Variants in CD38 observed in about 807,000 individuals in gnomAD.
CD38 encodes the protein ADP-ribosyl cyclase/cyclic ADP-ribose hydrolase 1.
Under a neutral mutation model 36.3 loss-of-function variants are expected in CD38, and 31 were observed. The observed-to-expected ratio is 0.85, with a 90% confidence interval of 0.64 to 1.15. The LOEUF is 1.15. Ranked by LOEUF, CD38 falls within the 50% of genes most tolerant of loss-of-function variation. CD38 has a pLI of 0.00. For missense variants in CD38, 380 were observed against 371.9 expected, an observed-to-expected ratio of 1.02 and a Z score of -0.18; for synonymous variants, 131 against 135.2, an observed-to-expected ratio of 0.97 and a Z score of 0.22.
intron 1 of CD38, among the ~76,000 whole-genome samples, chr4:15,812,240 A>C (rs1342174075): frequency 6.6e-6 from 1 of 152,094 alleles, no homozygotes; most frequent in East Asian, 1.9e-4. Flanking sequence ...GTGTCTTTCA[A>C]CTTTGGTCTT....
chr4:15,791,985 CG>C (rs1723008328), intron 1 of CD38, among the ~76,000 whole-genome samples: 1 of 69,200 alleles, frequency 1.4e-5, no homozygotes, highest in Non-Finnish European at 2.5e-5. Context: ...AATAGAAAGG[CG>C]GGAAGGGTGG....
At chr4:15,801,082 T>C (rs186659869) in intron 1 of CD38, among the ~76,000 whole-genome samples, 2 of 151,736 alleles carry the variant, frequency 1.3e-5, no homozygotes, top group East Asian at 3.9e-4. Flanking sequence ...AAGAACCAAA[T>C]AAATGAAAAA....
intron 1 of CD38, among the ~76,000 whole-genome samples, chr4:15,794,976 T>C (rs1236768673): frequency 6.6e-6 from 1 of 152,164 alleles, no homozygotes; most frequent in African/African-American, 2.4e-5. Context: ...ATAGAGGGAA[T>C]GAATAGTGTT....
At chr4:15,797,279 T>A (rs1723121783) in intron 1 of CD38, among the ~76,000 whole-genome samples, 1 of 152,236 alleles carries the variant, frequency 6.6e-6, no homozygotes, top group Non-Finnish European at 1.5e-5. Context: ...GATTTACCCA[T>A]GCTAATATAT....
intron 3 of CD38, among the ~76,000 whole-genome samples, chr4:15,831,691 T>C (rs903600912): frequency 6.6e-6 from 1 of 152,186 alleles, no homozygotes; most frequent in Admixed American, 6.5e-5. Context: ...TTGTTTCTTT[T>C]CTCTTGCTGC....
At chr4:15,796,212 C>T (rs559808086) in intron 1 of CD38, among the ~76,000 whole-genome samples, 3 of 152,208 alleles carry the variant, frequency 2.0e-5, no homozygotes, top group South Asian at 2.1e-4. Context: ...TAGTTGTTCA[C>T]GTTTTGGGGT....
intron 3 of CD38, among the ~76,000 whole-genome samples, chr4:15,829,900 T>C (rs1050724042): frequency 2.0e-5 from 3 of 152,220 alleles, no homozygotes; most frequent in African/African-American, 7.2e-5. Context: ...GTTCTATTCA[T>C]GTTGTTGCAA....
chr4:15,794,319 C>A (rs530050743), intron 1 of CD38, among the ~76,000 whole-genome samples: 10 of 152,294 alleles, frequency 6.6e-5, no homozygotes, highest in African/African-American at 2.4e-4. Flanking sequence ...TCAGGCATCA[C>A]TGAGGGGGTT....
chr4:15,821,215 T>TA (rs1723726336), intron 2 of CD38, among the ~76,000 whole-genome samples: 1 of 152,126 alleles, frequency 6.6e-6, no homozygotes, highest in Non-Finnish European at 1.5e-5. Flanking sequence ...TTTATAGCAC[T>TA]AAATGCCCAC....
At chr4:15,786,842 C>T in intron 1 of CD38, among the ~76,000 whole-genome samples, 1 of 152,150 alleles carries the variant, frequency 6.6e-6, no homozygotes, top group Non-Finnish European at 1.5e-5. Flanking sequence ...TGGGGGGAGG[C>T]TCAGGCATGG....
intron 4 of CD38, 52 bp from the exon 5 acceptor site, chr4:15,838,040 G>T: frequency 7.2e-7 from 1 of 1,388,680 alleles, no homozygotes. Context: ...GAAACTGCTG[G>T]AGGATGGTGA....
chr4:15,835,213 C>T (rs989577380), intron 4 of CD38, among the ~76,000 whole-genome samples: 1 of 152,078 alleles, frequency 6.6e-6, no homozygotes, highest in African/African-American at 2.4e-5. Flanking sequence ...ATGGTGGCCT[C>T]TGTTCTGCCT....
In CD38 at chr4:15,797,963, G is replaced by T. The variant is rs571445583; in HGVS notation, c.234-18548G>T. On this transcript the variant is annotated intron_variant, in intron 1 of 7. Coordinates refer to ENST00000226279, the MANE Select transcript of CD38 (RefSeq NM_001775.4). Reference sequence around the variant, plus strand: ...TAGGATTTCAACATCGTTTGGGGGGGTAAAATTCAATCAATAACAACAGGT... The same window carrying T: ...TAGGATTTCAACATCGTTTGGGGGGTTAAAATTCAATCAATAACAACAGGT... Among the ~76,000 whole-genome samples, 208 of 152,252 alleles carry T rather than the reference G, an allele frequency of 1.4e-3. 2 individuals are homozygous for T. The highest frequency in any genetic ancestry group is 4.8e-3 in the African/African-American group (199 of 41,568).
At position 15,790,148 on chromosome 4, in the gene CD38, T is replaced by C. The variant is rs1310870986; in HGVS notation, c.233+11501T>C. Among the ~76,000 whole-genome samples, 21 of 12,572 alleles carry C rather than the reference T, an allele frequency of 1.7e-3. No individual in the cohort carries two copies. In the African/African-American group the frequency reaches 0.025, roughly 15 times the overall value. 8.2% of individuals were successfully genotyped at this position (12,572 alleles called of 152,430 possible). ...CTCTCCCTCTCCCTCTCCCTCTCCC[T>C]CTCCCTCTCCCCCTCTCCCTCCCCC... On this transcript the variant is annotated intron_variant, in intron 1 of 7. Coordinates refer to ENST00000226279, the MANE Select transcript of CD38 (RefSeq NM_001775.4).
chr4:15,788,537 G>A (rs1322319310), intron 1 of CD38, among the ~76,000 whole-genome samples: 1 of 152,084 alleles, frequency 6.6e-6, no homozygotes, highest in African/African-American at 2.4e-5. Context: ...TCAAGGTCCT[G>A]GGGCTGCTTA....
chr4:15,828,176 G>A (rs1406741928), intron 3 of CD38, among the ~76,000 whole-genome samples: 5 of 151,866 alleles, frequency 3.3e-5, no homozygotes, highest in African/African-American at 1.2e-4. Context: ...CACCACACTT[G>A]GCTAATTTTT....
rs749239987 is a variant in CD38, at chr4:15,778,664, G to A, written c.233+17G>A. Reference sequence around the variant, plus strand: ...TGAGATGAGGTGGGTTGGCGACTAAGGCGCACCGGTGGGCACTGCGGGGAC... The same window carrying A: ...TGAGATGAGGTGGGTTGGCGACTAAAGCGCACCGGTGGGCACTGCGGGGAC... On this transcript the variant is annotated intron_variant, in intron 1 of 7. Transcript: ENST00000226279. The surrounding 1 kb of genome is among the most constrained non-coding windows in gnomAD (Gnocchi z 4.9). 296 of 1,568,178 alleles carry A rather than the reference G, an allele frequency of 1.9e-4. 3 individuals are homozygous for A. The South Asian group carries it at 3.2e-3, about 17-fold the overall frequency.
chr4:15,841,496 A>G (rs1560321430), intron 7 of CD38, among the ~76,000 whole-genome samples: 1 of 152,244 alleles, frequency 6.6e-6, no homozygotes, highest in Non-Finnish European at 1.5e-5. Context: ...CAGCAGTTAG[A>G]CAGGAAAACA....
At position 15,842,005 on chromosome 4, in the gene CD38, G is replaced by C. The variant is rs1046711894; in HGVS notation, c.839+1467G>C. On this transcript the variant is annotated intron_variant, in intron 7 of 7. Coordinates refer to ENST00000226279, the MANE Select transcript of CD38 (RefSeq NM_001775.4). ...GGGAGGGGCGCCCGCCATTGCCCAG[G>C]CTTGATTAGGTAAACAAAGCAGCCA... Among the ~76,000 whole-genome samples, 28 of 142,988 alleles carry C rather than the reference G, an allele frequency of 2.0e-4. 1 individual carries two copies. Among genetic ancestry groups the C allele is most frequent in the African/African-American group, 7.8e-4 (28 of 35,872 alleles). The allele number at this position is 142,988 out of a possible 152,430, so 93.8% of individuals were successfully genotyped here. A position where few individuals can be genotyped will look rare whatever the true frequency, so the allele number is the denominator to read the frequency against.
Sources: gnomAD v4.1 joint callset for allele counts (sites outside exome capture counted in the v4.1 genomes callset) on GRCh38, gnomAD v4.1.1 for gene constraint, Gnocchi (gnomAD v3.1) non-coding constraint, MANE v1.5 for transcripts, NCBI Gene and HGNC (gene_info 2026-07-23, HGNC 2026-07-21) for gene names.